Variants in ADGRF5 observed in about 807,000 individuals in gnomAD.
ADGRF5 encodes the protein G-protein coupled receptor 116.
Under a neutral mutation model 132.3 loss-of-function variants are expected in ADGRF5, and 75 were observed. That is an observed-to-expected ratio of 0.57 (90% confidence interval 0.47 to 0.69). The LOEUF (loss-of-function observed/expected upper bound fraction) is 0.69. Among genes scored for constraint, ADGRF5 ranks in the 30% least tolerant of loss-of-function variants. The pLI is 0.00. For synonymous variants in ADGRF5, 629 were observed against 597.6 expected (o/e 1.05, Z -0.77); for missense variants, 1,516 against 1,630.6 (o/e 0.93, Z 1.21).
At chr6:46,873,787 T>A (rs1771346279) in intron 10 of ADGRF5, among the ~76,000 whole-genome samples, 1 of 152,212 alleles carries the variant, frequency 6.6e-6, no homozygotes, top group South Asian at 2.1e-4. Context: ...AACTCATCTT[T>A]TTTCTCCCCA....
chr6:46,860,242 A>ATTTG (rs1328383404), intron 16 of ADGRF5, among the ~76,000 whole-genome samples: 1 of 151,776 alleles, frequency 6.6e-6, no homozygotes. Context: ...CCCCTGGTTT[A>ATTTG]TTTGTTTGTT....
chr6:46,858,658 C>T lies in ADGRF5; in HGVS notation c.3245G>A (p.Cys1082Tyr). Reference sequence around the variant, plus strand: ...GGTGGCAGCCACACAGGCTGTCTTGCAGAGTATGTAGCGATTGTCCTGGAT... The same window carrying T: ...GGTGGCAGCCACACAGGCTGTCTTGTAGAGTATGTAGCGATTGTCCTGGAT... ...AAIQDNRYIL[C>Y]KTACVAATFF... is the part of the protein sequence containing the mutation. Residue 1082 changes from cysteine (C) to tyrosine (Y), a missense_variant, in exon 17 of 21, where the codon TGC (cysteine) becomes TAC (tyrosine). Coordinates refer to ENST00000283296, the MANE Select transcript of ADGRF5 (RefSeq NM_001098518.2). The T allele has an allele frequency of 6.2e-7, 1 of 1,614,134 alleles. No homozygotes were observed. The highest frequency in any genetic ancestry group is 8.5e-7 in the Non-Finnish European group (1 of 1,180,026).
chr6:46,859,349 G>A lies in ADGRF5; in HGVS notation c.2554C>T (p.Gln852Ter). The change falls in exon 17 of 21, where the codon CAG becomes TAG. Residue 852 changes from glutamine (Q) to a stop codon, truncating the protein, a stop_gained. Transcript: ENST00000283296. LOFTEE classifies it high-confidence loss of function. ...PPLSFSQTNV[Q>*]MSSMVIKSSH... Reference sequence around the variant, plus strand: ...GACTTGATTACCATGCTGCTCATCTGCACATTAGTTTGGGAGAAGGACAAA... The same window carrying A: ...GACTTGATTACCATGCTGCTCATCTACACATTAGTTTGGGAGAAGGACAAA... 6.2e-7 allele frequency: 1 copy of A among 1,613,852 alleles called. No individual in the cohort carries two copies.
chr6:46,864,471 A>G (rs1479063940), intron 14 of ADGRF5, among the ~76,000 whole-genome samples: 1 of 152,184 alleles, frequency 6.6e-6, no homozygotes, highest in Non-Finnish European at 1.5e-5. Context: ...CTCCTTTAGC[A>G]GAGCTAAGCC....
intron 1 of ADGRF5, among the ~76,000 whole-genome samples, chr6:46,953,425 C>T (rs1253313566): frequency 1.3e-5 from 2 of 151,794 alleles, no homozygotes; most frequent in African/African-American, 2.4e-5. Flanking sequence ...AGTTCGAGAC[C>T]AGCCTGGGCA....
At chr6:46,883,315 G>A (rs549238156) in intron 6 of ADGRF5, among the ~76,000 whole-genome samples, 5 of 152,252 alleles carry the variant, frequency 3.3e-5, no homozygotes, top group African/African-American at 9.6e-5. Flanking sequence ...TTGATGCCAC[G>A]AAATCTTAAC....
chr6:46,899,795 A>G (rs1716718125), intron 3 of ADGRF5, among the ~76,000 whole-genome samples: 1 of 151,518 alleles, frequency 6.6e-6, no homozygotes, highest in Admixed American at 6.6e-5. Context: ...GAATGTGAGG[A>G]GCAGTGATGG....
intron 1 of ADGRF5, among the ~76,000 whole-genome samples, chr6:46,933,034 G>C (rs1046215400): frequency 4.6e-5 from 7 of 152,168 alleles, no homozygotes; most frequent in Non-Finnish European, 1.0e-4. Context: ...CACAAAGTTG[G>C]AGGCAGCAGT....
intron 1 of ADGRF5, among the ~76,000 whole-genome samples, chr6:46,945,492 T>C (rs1448723655): frequency 6.6e-6 from 1 of 151,346 alleles, no homozygotes; most frequent in Non-Finnish European, 1.5e-5. Context: ...GGGCGAGGAG[T>C]AAAAAGATGA....
intron 16 of ADGRF5, among the ~76,000 whole-genome samples, chr6:46,860,326 C>A (rs1292541846): frequency 2.0e-5 from 3 of 152,276 alleles, no homozygotes; most frequent in East Asian, 1.9e-4. Context: ...TAGGTGAATT[C>A]TTTATCCTCC....
intron 1 of ADGRF5, among the ~76,000 whole-genome samples, chr6:46,913,160 A>T (rs1776109100): frequency 6.6e-6 from 1 of 152,176 alleles, no homozygotes; most frequent in Admixed American, 6.6e-5. Context: ...AACAGGAGGG[A>T]AACAAGGCTA....
intron 2 of ADGRF5, among the ~76,000 whole-genome samples, chr6:46,902,730 G>A (rs1383070699): frequency 3.3e-5 from 5 of 152,144 alleles, no homozygotes; most frequent in Admixed American, 2.0e-4. Flanking sequence ...CAGCCTCTTC[G>A]TTGTCCAGTG....
Position 46,900,188 on chromosome 6 carries a change from C to T in ADGRF5, c.103-105G>A. On this transcript the variant is annotated intron_variant, in intron 2 of 20. Transcript: ENST00000283296. ...AATGTTGGAGCTGAGCTTAAGGCTGCAGACTTTGGGTTAGCACCATGTGTC... is the reference window on the plus strand; with the variant it reads ...AATGTTGGAGCTGAGCTTAAGGCTGTAGACTTTGGGTTAGCACCATGTGTC... 4.6e-6 allele frequency: 4 copies of T among 862,414 alleles called. No individual in the cohort carries two copies. In the South Asian group the frequency reaches 5.6e-5, roughly 12 times the overall value. The allele number at this position is 862,414 out of a possible 1,614,324, so 53.4% of individuals were successfully genotyped here.
chr6:46,921,793 T>A lies in ADGRF5; in HGVS notation c.-105A>T, dbSNP rs1038569511. On this transcript the variant is annotated 5_prime_UTR_variant, in exon 1 of 21. The change abolishes an upstream ATG in the 5' untranslated region. Coordinates refer to ENST00000283296, the MANE Select transcript of ADGRF5 (RefSeq NM_001098518.2). ...CTTCCCAGTTTCCACTATGGGGCCA[T>A]TTGTCCTGGGCCTCCTGGGCAGGGG... 6.6e-6 allele frequency: 1 copy of A among 152,454 alleles called. No homozygotes were observed. The highest frequency in any genetic ancestry group is 1.5e-5 in the Non-Finnish European group (1 of 68,296). 9.4% of individuals were successfully genotyped at this position (152,454 alleles called of 1,614,324 possible).
intron 10 of ADGRF5, among the ~76,000 whole-genome samples, chr6:46,875,726 G>A (rs571923069): frequency 2.0e-5 from 3 of 152,206 alleles, no homozygotes; most frequent in East Asian, 3.9e-4. Context: ...GCAGTGAGTC[G>A]AGATTGCGCC....
chr6:46,854,781 G>A (rs1039482058), intron 20 of ADGRF5: 4 of 1,286,320 alleles, frequency 3.1e-6, no homozygotes, highest in Non-Finnish European at 4.0e-6. Flanking sequence ...CTTAGGGGCT[G>A]CTGACAACAT....
chr6:46,874,422 A>C (rs1393566981), intron 10 of ADGRF5, among the ~76,000 whole-genome samples: 1 of 152,232 alleles, frequency 6.6e-6, no homozygotes, highest in Non-Finnish European at 1.5e-5. Flanking sequence ...CTATGCAAGA[A>C]GGAGTGTATA....
At chr6:46,886,040 A>T (rs1773037671) in intron 4 of ADGRF5, among the ~76,000 whole-genome samples, 2 of 152,246 alleles carry the variant, frequency 1.3e-5, no homozygotes, top group Non-Finnish European at 2.9e-5. Flanking sequence ...TGAACAGCCT[A>T]CATGAACTCT....
intron 10 of ADGRF5, among the ~76,000 whole-genome samples, chr6:46,874,439 T>C (rs537975670): frequency 6.2e-4 from 95 of 152,280 alleles, no homozygotes; most frequent in Non-Finnish European, 1.1e-3. Context: ...TATAAACAGA[T>C]GTACAGAAAT....
Sources: allele counts gnomAD v4.1 joint callset (sites outside exome capture counted in the v4.1 genomes callset), GRCh38; gene constraint gnomAD v4.1.1; transcripts MANE v1.5; gene names NCBI Gene and HGNC (gene_info 2026-07-23, HGNC 2026-07-21).